The following KALRN variants were observed in gnomAD, a reference collection of about 807,000 sequenced individuals.
The protein encoded by KALRN is kalirin RhoGEF kinase, also known as kalirin.
KALRN carries 70 observed loss-of-function variants against 353.7 expected under a neutral mutation model. The ratio of observed to expected loss-of-function variants is 0.20; its 90% CI spans 0.16 to 0.24. The LOEUF is 0.24. Ranked by LOEUF, KALRN falls within the 10% of genes least tolerant of loss-of-function variation. The pLI is 1.00. For synonymous variants in KALRN, 1,391 were observed against 1,434.8 expected (o/e 0.97, Z 0.69); for missense variants, 2,791 against 3,756.7 (o/e 0.74, Z 6.72).
At chr3:124,682,703 G>C (rs756843908) in intron 51 of KALRN, among the ~76,000 whole-genome samples, 7 of 152,114 alleles carry the variant, frequency 4.6e-5, no homozygotes, top group Non-Finnish European at 1.0e-4. Context: ...TGGTGTTTTG[G>C]GGAGATATAC....
chr3:124,099,640 T>A (rs925224041), intron 1 of KALRN, among the ~76,000 whole-genome samples: 1 of 152,252 alleles, frequency 6.6e-6, no homozygotes, highest in Non-Finnish European at 1.5e-5. Context: ...ACCTCCATAC[T>A]GTTTTCCATA....
In KALRN at chr3:124,491,436, T is replaced by C. The variant is rs747717183; in HGVS notation, c.4689+12T>C. 1.3e-6 allele frequency: 2 copies of C among 1,571,854 alleles called. No homozygotes were observed. The highest frequency in any genetic ancestry group is 1.7e-6 in the Non-Finnish European group (2 of 1,155,380). On this transcript the variant is annotated intron_variant, in intron 31 of 59. Transcript: ENST00000682506. ...AAACAGTGCTGAAAGTAAGTACTGC[T>C]CTCTGCTAGGCACAAACTAGGGTTG... is the stretch of plus-strand genomic sequence containing the variant.
At chr3:124,701,910 C>A in intron 56 of KALRN, 128 bp from the exon 57 acceptor site, 2 of 634,872 alleles carry the variant, frequency 3.2e-6, no homozygotes, top group Middle Eastern at 3.1e-4. Flanking sequence ...GGCATTTTCC[C>A]ACTGAGTCAG....
chr3:124,468,730 A>G (rs1379251179), intron 25 of KALRN, among the ~76,000 whole-genome samples: 1 of 152,246 alleles, frequency 6.6e-6, no homozygotes, highest in Non-Finnish European at 1.5e-5. Context: ...CAAAGAATCC[A>G]GCTGTCATTT....
chr3:124,108,617 T>C (rs1480269102), intron 1 of KALRN, among the ~76,000 whole-genome samples: 1 of 152,220 alleles, frequency 6.6e-6, no homozygotes, highest in Non-Finnish European at 1.5e-5. Context: ...ATATACTGTT[T>C]ACTTCCTTCC....
At chr3:124,544,110 G>C (rs965504894) in intron 33 of KALRN, among the ~76,000 whole-genome samples, 2 of 152,166 alleles carry the variant, frequency 1.3e-5, no homozygotes, top group African/African-American at 4.8e-5. Context: ...TGTAATAAAG[G>C]AAACTGTCAT....
intron 23 of KALRN, among the ~76,000 whole-genome samples, chr3:124,457,831 T>C (rs1165355889): frequency 6.6e-6 from 1 of 152,182 alleles, no homozygotes; most frequent in Non-Finnish European, 1.5e-5. Context: ...CTACTACCCC[T>C]GGAATAATGA....
chr3:124,366,619 C>T (rs1015694244), intron 10 of KALRN, among the ~76,000 whole-genome samples: 5 of 151,492 alleles, frequency 3.3e-5, no homozygotes, highest in South Asian at 2.1e-4. Flanking sequence ...TACACAGACA[C>T]GGCAACCATC....
At chr3:124,632,851 T>C in intron 35 of KALRN, 148 bp downstream of exon 35, 1 of 798,762 alleles carries the variant, frequency 1.3e-6, no homozygotes, top group Non-Finnish European at 1.9e-6. Flanking sequence ...TCTTAAGACA[T>C]TGGCCAGTTT....
chr3:124,540,884 C>T (rs771299150), intron 33 of KALRN, among the ~76,000 whole-genome samples: 12 of 152,226 alleles, frequency 7.9e-5, no homozygotes, highest in Non-Finnish European at 1.6e-4. Flanking sequence ...CAACCCCCCA[C>T]AGCAGAGCTT....
Position 124,446,247 on chromosome 3 carries a change from T to C in KALRN, c.3400T>C (p.Tyr1134His). The change falls in exon 20 of 60, where the codon TAT (tyrosine) becomes CAT (histidine). Residue 1134 changes from tyrosine to histidine, a missense_variant. Tyr to His is a moderately conservative substitution (Grantham distance 83). This residue lies in a region of KALRN where 268 missense variants were observed against 347.0 expected (regional missense o/e 0.77). Coordinates refer to ENST00000682506, the MANE Select transcript of KALRN (RefSeq NM_001388419.1). ...GCGGCGGTTAGACCAATGCCAGCAATATGTGGTGTTCGAGCGCAGCGCTAA... is the reference window on the plus strand; with the variant it reads ...GCGGCGGTTAGACCAATGCCAGCAACATGTGGTGTTCGAGCGCAGCGCTAA... ...KKRRLDQCQQYVVFERSAKQA... is the reference protein window; with the variant it reads ...KKRRLDQCQQHVVFERSAKQA... 5.0e-6 allele frequency: 8 copies of C among 1,613,934 alleles called. No homozygotes were observed. The highest frequency in any genetic ancestry group is 6.8e-6 in the Non-Finnish European group (8 of 1,179,856).
At chr3:124,034,995 G>A (rs145869028) in intron 1 of KALRN, among the ~76,000 whole-genome samples, 6 of 152,144 alleles carry the variant, frequency 3.9e-5, no homozygotes, top group South Asian at 2.1e-4. Context: ...GGTGCTTTGC[G>A]GGGGAGACTT....
chr3:124,634,407 T>C (rs1458448214), intron 36 of KALRN, among the ~76,000 whole-genome samples: 2 of 152,208 alleles, frequency 1.3e-5, no homozygotes, highest in African/African-American at 4.8e-5. Context: ...AATGACGGTA[T>C]GAGGAATGAA....
intron 33 of KALRN, among the ~76,000 whole-genome samples, chr3:124,535,259 A>G (rs1577792198): frequency 6.6e-6 from 1 of 152,162 alleles, no homozygotes; most frequent in East Asian, 1.9e-4. Flanking sequence ...ATTTGGAAAA[A>G]GATTATGTAC....
chr3:124,278,772 GT>G (rs2075046092), intron 5 of KALRN, among the ~76,000 whole-genome samples: 1 of 152,108 alleles, frequency 6.6e-6, no homozygotes, highest in Non-Finnish European at 1.5e-5. Context: ...GGTATAAACA[GT>G]TCTGGTCACT....
At chr3:124,439,131 TTC>T (rs1230111482) in intron 18 of KALRN, 94 bp downstream of exon 18, 2 of 1,239,246 alleles carry the variant, frequency 1.6e-6, no homozygotes, top group East Asian at 2.6e-5. Flanking sequence ...TTCTTTCTCT[TTC>T]TCTCTCTTTC....
In KALRN at chr3:124,628,161, CT is replaced by C. The variant is rs1272515644; in HGVS notation, c.5183-4257del. On this transcript the variant is annotated intron_variant, in intron 34 of 59. Transcript: ENST00000682506. ...CCATCCTCCCTCCCTCCCTCCCTCC[CT>C]TCCTTCCTTCCCTCCCTCCCTCCTT... Among the ~76,000 whole-genome samples the C allele has an allele frequency of 1.6e-3, 73 of 46,138 alleles. 2 individuals are homozygous for C. The highest frequency in any genetic ancestry group is 9.1e-3 in the African/African-American group (60 of 6,602). 30.3% of individuals were successfully genotyped at this position (46,138 alleles called of 152,430 possible). A position where few individuals can be genotyped will look rare whatever the true frequency, so the allele number is the denominator to read the frequency against.
intron 33 of KALRN, among the ~76,000 whole-genome samples, chr3:124,531,572 C>T (rs2068044992): frequency 6.6e-6 from 1 of 152,124 alleles, no homozygotes; most frequent in Non-Finnish European, 1.5e-5. Context: ...ACATGATGCT[C>T]ACATCTGCTG....
chr3:124,486,552 C>T (rs955241391), intron 28 of KALRN, among the ~76,000 whole-genome samples: 1 of 152,136 alleles, frequency 6.6e-6, no homozygotes, highest in Non-Finnish European at 1.5e-5. Context: ...CTCAAAGCTC[C>T]CTTATTCCTA....
Sources: allele counts gnomAD v4.1 joint callset (sites outside exome capture counted in the v4.1 genomes callset), GRCh38; gene constraint gnomAD v4.1.1; regional missense constraint gnomAD v4.1.1; transcripts MANE v1.5; gene names NCBI Gene and HGNC (gene_info 2026-07-23, HGNC 2026-07-21).